Variants in HCN1 observed in about 807,000 individuals in gnomAD.
HCN1 encodes the protein potassium/sodium hyperpolarization-activated cyclic nucleotide-gated channel 1.
A neutral mutation model predicts 78.9 loss-of-function variants in HCN1; 13 were observed. The observed-to-expected ratio is 0.16, with a 90% CI of 0.11 to 0.26. HCN1 has a LOEUF of 0.26. Ranked by LOEUF, HCN1 falls within the 10% of genes least tolerant of loss-of-function variation. HCN1 has a pLI of 1.00. For missense variants in HCN1, 810 were observed against 1,154.3 expected, an observed-to-expected ratio of 0.70 and a Z score of 4.32; for synonymous variants, 552 against 455.5, an observed-to-expected ratio of 1.21 and a Z score of -2.70.
At chr5:45,536,634 T>C (rs997967756) in intron 2 of HCN1, among the ~76,000 whole-genome samples, 6 of 152,216 alleles carry the variant, frequency 3.9e-5, no homozygotes, top group African/African-American at 9.6e-5. Flanking sequence ...CATTCTTGTG[T>C]GCTAATAGAA....
At chr5:45,667,751 CTT>C (rs1198626850) in intron 1 of HCN1, among the ~76,000 whole-genome samples, 1 of 151,884 alleles carries the variant, frequency 6.6e-6, no homozygotes, top group Admixed American at 6.6e-5. Context: ...TTATAGCTCT[CTT>C]GTTATGTTTC....
rs888143501 is a variant in HCN1 at position 45,261,623 on chromosome 5, A to T, written c.*298T>A. 1 of 219,118 alleles carries T rather than the reference A, an allele frequency of 4.6e-6. No homozygotes were observed. The highest frequency in any genetic ancestry group is 5.1e-5 in the Admixed American group (1 of 19,680). The allele number at this position is 219,118 out of a possible 1,614,324, so 13.6% of individuals were successfully genotyped here. On this transcript the variant is annotated 3_prime_UTR_variant, in exon 8 of 8. Transcript: ENST00000303230. ...ATATACATATCAAAGGACTTAAGTAAAAGTAGGTTAGAAATAAATAATCTT... is the reference window on the plus strand; with the variant it reads ...ATATACATATCAAAGGACTTAAGTATAAGTAGGTTAGAAATAAATAATCTT...
intron 3 of HCN1, among the ~76,000 whole-genome samples, chr5:45,404,255 T>A (rs1454186607): frequency 1.3e-5 from 2 of 152,160 alleles, no homozygotes; most frequent in Non-Finnish European, 2.9e-5. Context: ...TATGATATTA[T>A]ATGCGAATGG....
chr5:45,481,332 G>A (rs1741646793), intron 2 of HCN1, among the ~76,000 whole-genome samples: 3 of 152,284 alleles, frequency 2.0e-5, no homozygotes, highest in South Asian at 2.1e-4. Flanking sequence ...GGATCTCACT[G>A]ATTCTTCTAA....
intron 6 of HCN1, among the ~76,000 whole-genome samples, chr5:45,300,830 G>A (rs962763668): frequency 6.6e-6 from 1 of 152,022 alleles, no homozygotes; most frequent in Non-Finnish European, 1.5e-5. Flanking sequence ...AGCAGGCCCT[G>A]TTAGATTCAT....
At chr5:45,348,943 T>G (rs1746817994) in intron 5 of HCN1, among the ~76,000 whole-genome samples, 2 of 152,330 alleles carry the variant, frequency 1.3e-5, no homozygotes, top group South Asian at 4.1e-4. Flanking sequence ...AACACCCCAC[T>G]GTCAACATTA....
intron 6 of HCN1, among the ~76,000 whole-genome samples, chr5:45,276,083 TG>T (rs1745051162): frequency 6.6e-6 from 1 of 151,910 alleles, no homozygotes; most frequent in Non-Finnish European, 1.5e-5. Flanking sequence ...TTCTAAAAAA[TG>T]AAAAAAACAC....
intron 1 of HCN1, among the ~76,000 whole-genome samples, chr5:45,670,270 C>T (rs1051590503): frequency 6.6e-6 from 1 of 151,652 alleles, no homozygotes; most frequent in Non-Finnish European, 1.5e-5. Flanking sequence ...CTCCAAATAA[C>T]GCTTTACTGG....
intron 2 of HCN1, among the ~76,000 whole-genome samples, chr5:45,602,220 C>G (rs1744639153): frequency 6.6e-6 from 1 of 152,008 alleles, no homozygotes; most frequent in Admixed American, 6.6e-5. Flanking sequence ...ACTAATGCTT[C>G]CCCAGTACAT....
intron 3 of HCN1, among the ~76,000 whole-genome samples, chr5:45,454,508 A>T (rs748487403): frequency 2.2e-4 from 34 of 151,894 alleles, no homozygotes; most frequent in Non-Finnish European, 8.8e-5. Context: ...AATAAAAAAA[A>T]ATAAAATCTT....
intron 4 of HCN1, among the ~76,000 whole-genome samples, chr5:45,380,511 G>T (rs1215843048): frequency 6.6e-6 from 1 of 152,058 alleles, no homozygotes; most frequent in Non-Finnish European, 1.5e-5. Flanking sequence ...AGGTACTCAG[G>T]TTCAAAACTG....
At chr5:45,264,040 G>A (rs778486961) in intron 7 of HCN1, among the ~76,000 whole-genome samples, 8 of 152,038 alleles carry the variant, frequency 5.3e-5, no homozygotes, top group Non-Finnish European at 5.9e-5. Context: ...TGATCCACCC[G>A]CCTCGGCCTC....
rs867371259 is a variant in HCN1, at chr5:45,449,066, C to A, written c.1011+12780G>T. On this transcript the variant is annotated intron_variant, in intron 3 of 7. Coordinates refer to ENST00000303230, the MANE Select transcript of HCN1 (RefSeq NM_021072.4). ...GAGGTTGCAGTGAGCCAAGATCACA[C>A]CACTGCACTCCAGCCTGGGCGATGG... Among the ~76,000 whole-genome samples, 62 of 152,272 alleles carry A rather than the reference C, an allele frequency of 4.1e-4. No individual in the cohort carries two copies. The Middle Eastern group carries it at 0.014, about 33-fold the overall frequency.
At chr5:45,315,451 A>G (rs987610132) in intron 5 of HCN1, among the ~76,000 whole-genome samples, 2 of 152,230 alleles carry the variant, frequency 1.3e-5, no homozygotes, top group African/African-American at 4.8e-5. Context: ...AAATGCCCAC[A>G]AGAGAAAGCA....
intron 5 of HCN1, among the ~76,000 whole-genome samples, chr5:45,330,321 C>A (rs1463144476): frequency 2.0e-5 from 3 of 151,026 alleles, no homozygotes; most frequent in East Asian, 1.9e-4. Context: ...TGGTCAAATA[C>A]AAGGAAGGAA....
intron 6 of HCN1, among the ~76,000 whole-genome samples, chr5:45,302,664 A>G (rs1745651381): frequency 6.6e-6 from 1 of 151,564 alleles, no homozygotes; most frequent in Non-Finnish European, 1.5e-5. Context: ...ATTGGAGATA[A>G]ATATGGTTTG....
chr5:45,690,661 A>C (rs1237037438), intron 1 of HCN1, among the ~76,000 whole-genome samples: 1 of 152,082 alleles, frequency 6.6e-6, no homozygotes, highest in Non-Finnish European at 1.5e-5. Flanking sequence ...AAGTACTTAG[A>C]GAAAATATAA....
intron 3 of HCN1, among the ~76,000 whole-genome samples, chr5:45,453,225 G>A (rs1021412461): frequency 2.0e-5 from 3 of 151,966 alleles, no homozygotes; most frequent in Non-Finnish European, 4.4e-5. Flanking sequence ...CCTGACATCC[G>A]TATATCCGTA....
intron 2 of HCN1, among the ~76,000 whole-genome samples, chr5:45,509,147 T>C (rs981436953): frequency 1.3e-5 from 2 of 152,160 alleles, no homozygotes; most frequent in Non-Finnish European, 2.9e-5. Context: ...GTTTAACATG[T>C]CAGCATTGTA....
Sources: gnomAD v4.1 joint callset for allele counts (sites outside exome capture counted in the v4.1 genomes callset) on GRCh38, gnomAD v4.1.1 for gene constraint, MANE v1.5 for transcripts, NCBI Gene and HGNC (gene_info 2026-07-23, HGNC 2026-07-21) for gene names.